Variants in ARHGAP8 observed in about 807,000 individuals in gnomAD.
ARHGAP8 encodes Rho GTPase activating protein 8.
Under a neutral mutation model 46.1 loss-of-function variants are expected in ARHGAP8, and 62 were observed. That is an observed-to-expected ratio of 1.34 (90% CI 1.10 to 1.66). The LOEUF (loss-of-function observed/expected upper bound fraction) is 1.66. ARHGAP8 is among the 40% of genes most tolerant of loss of function. The probability of loss-of-function intolerance (pLI) is 0.00; values close to 1 mark genes in which losing one functional copy is unlikely to be tolerated. For synonymous variants in ARHGAP8, 375 were observed against 243.1 expected (o/e 1.54, Z -5.05); for missense variants, 923 against 568.4 (o/e 1.62, Z -6.34).
At chr22:44,791,658 T>C (rs1349406204) in intron 2 of ARHGAP8, among the ~76,000 whole-genome samples, 5 of 152,056 alleles carry the variant, frequency 3.3e-5, no homozygotes, top group African/African-American at 1.2e-4. Context: ...GAGCCGAGAT[T>C]GCATCATTGC....
At chr22:44,839,959 C>A (rs1041814285) in intron 7 of ARHGAP8, among the ~76,000 whole-genome samples, 2 of 152,196 alleles carry the variant, frequency 1.3e-5, no homozygotes, top group African/African-American at 4.8e-5. Flanking sequence ...CCAAGACATG[C>A]CTTATGTTCC....
chr22:44,854,081 A>G (rs2147179515), intron 10 of ARHGAP8, among the ~76,000 whole-genome samples: 1 of 143,258 alleles, frequency 7.0e-6, no homozygotes, highest in Admixed American at 7.1e-5. Context: ...CTTTGCCTGC[A>G]GTATCTGTAG....
chr22:44,841,652 T>A (rs1338553676), intron 7 of ARHGAP8, among the ~76,000 whole-genome samples: 3 of 152,038 alleles, frequency 2.0e-5, no homozygotes, highest in Admixed American at 1.3e-4. Flanking sequence ...GGTTGGGAGG[T>A]AGACAGGCCA....
At chr22:44,804,117 C>T (rs1156765022) in intron 3 of ARHGAP8, among the ~76,000 whole-genome samples, 1 of 152,044 alleles carries the variant, frequency 6.6e-6, no homozygotes, top group Non-Finnish European at 1.5e-5. Flanking sequence ...CCACATGGGC[C>T]TCGCACCCTG....
chr22:44,792,750 C>G (rs181227336), intron 2 of ARHGAP8, among the ~76,000 whole-genome samples: 194 of 151,818 alleles, frequency 1.3e-3, no homozygotes, highest in African/African-American at 4.6e-3. Flanking sequence ...TGACCATATG[C>G]TTGGCCAAAT....
intron 6 of ARHGAP8, among the ~76,000 whole-genome samples, chr22:44,823,881 G>T (rs1930325907): frequency 6.6e-6 from 1 of 152,138 alleles, no homozygotes; most frequent in Non-Finnish European, 1.5e-5. Flanking sequence ...AGGGTCCTGT[G>T]AGTCAGAGGG....
At chr22:44,847,865 G>C in intron 8 of ARHGAP8, 108 bp from the exon 9 acceptor site, 1 of 1,401,032 alleles carries the variant, frequency 7.1e-7, no homozygotes, top group Non-Finnish European at 9.8e-7. Flanking sequence ...TAAATGTGTG[G>C]AGGCCAGCCA....
At chr22:44,776,635 G>C (rs1926443086) in intron 1 of ARHGAP8, among the ~76,000 whole-genome samples, 1 of 152,074 alleles carries the variant, frequency 6.6e-6, no homozygotes, top group South Asian at 2.1e-4. Flanking sequence ...ATGTAAATGG[G>C]CCCTCCCTGT....
intron 1 of ARHGAP8, among the ~76,000 whole-genome samples, chr22:44,767,982 G>GACATTT (rs1925705748): frequency 1.4e-5 from 1 of 69,756 alleles, no homozygotes; most frequent in Non-Finnish European, 2.8e-5. Flanking sequence ...CCCGCATGAT[G>GACATTT]TCTTTTTTTT....
chr22:44,832,690 T>C (rs1931027635), intron 7 of ARHGAP8, among the ~76,000 whole-genome samples: 1 of 152,228 alleles, frequency 6.6e-6, no homozygotes, highest in African/African-American at 2.4e-5. Flanking sequence ...CAGGATCATG[T>C]CATCTGCAAA....
intron 7 of ARHGAP8, among the ~76,000 whole-genome samples, chr22:44,833,437 T>C (rs1458036181): frequency 6.6e-6 from 1 of 152,214 alleles, no homozygotes; most frequent in East Asian, 1.9e-4. Flanking sequence ...ACATGGCTTT[T>C]GTCCTTTATA....
At chr22:44,769,038 T>C (rs778112815) in intron 1 of ARHGAP8, among the ~76,000 whole-genome samples, 3 of 152,176 alleles carry the variant, frequency 2.0e-5, no homozygotes, top group Non-Finnish European at 4.4e-5. Flanking sequence ...TTTCACCATG[T>C]TGGCCAGGCT....
rs537336282 is a variant in ARHGAP8, at chr22:44,862,348, G to A, written c.1055G>A (p.Trp352Ter). 4 of 1,614,034 alleles carry A rather than the reference G, an allele frequency of 2.5e-6. No individual in the cohort carries two copies. The highest frequency in any genetic ancestry group is 1.7e-6 in the Non-Finnish European group (2 of 1,179,948). The change falls in exon 12 of 12, where the codon TGG becomes TAG. Residue 352 changes from tryptophan to a stop codon, truncating the protein, a stop_gained. Transcript: ENST00000356099. LOFTEE classifies it low-confidence loss of function (END_TRUNC). ...TGTGTCTTCGGGCTGAATTTGATCT[G>A]GCCATCCCAGGGGGTCTCCTCCCTG... Reference protein sequence around the residue: ...LACVFGLNLIWPSQGVSSLSA... With the variant: ...LACVFGLNLI
intron 11 of ARHGAP8, among the ~76,000 whole-genome samples, chr22:44,861,575 T>G (rs2070487336): frequency 6.6e-6 from 1 of 152,174 alleles, no homozygotes; most frequent in Non-Finnish European, 1.5e-5. Flanking sequence ...TCTGCCCTGG[T>G]ACTCACCGCC....
intron 4 of ARHGAP8, among the ~76,000 whole-genome samples, chr22:44,813,783 C>G (rs1023837002): frequency 7.6e-6 from 1 of 130,918 alleles, no homozygotes; most frequent in South Asian, 2.7e-4. Context: ...CTACATACAC[C>G]TACACACACA....
intron 10 of ARHGAP8, among the ~76,000 whole-genome samples, chr22:44,857,603 C>T (rs1038308539): frequency 1.3e-5 from 2 of 152,102 alleles, no homozygotes; most frequent in African/African-American, 2.4e-5. Context: ...GGGAGTGAGC[C>T]TGGGGCAGGA....
intron 10 of ARHGAP8, among the ~76,000 whole-genome samples, chr22:44,855,079 C>CT (rs1247410803): frequency 2.6e-5 from 4 of 152,192 alleles, no homozygotes; most frequent in African/African-American, 9.6e-5. Flanking sequence ...TATATAAATG[C>CT]TCATGTATCT....
intron 3 of ARHGAP8, among the ~76,000 whole-genome samples, chr22:44,807,421 G>A (rs976071280): frequency 6.1e-5 from 9 of 147,994 alleles, no homozygotes; most frequent in Non-Finnish European, 1.3e-4. Context: ...GGCGACAGAC[G>A]CAGAGCACAG....
chr22:44,820,552 C>A (rs1457580594), intron 5 of ARHGAP8, among the ~76,000 whole-genome samples: 1 of 152,178 alleles, frequency 6.6e-6, no homozygotes, highest in Admixed American at 6.5e-5. Context: ...GGTGAGGACA[C>A]TCCTGCAGGG....
Sources: gnomAD v4.1 joint callset for allele counts (sites outside exome capture counted in the v4.1 genomes callset) on GRCh38, gnomAD v4.1.1 for gene constraint, MANE v1.5 for transcripts, NCBI Gene and HGNC (gene_info 2026-07-23, HGNC 2026-07-21) for gene names.